The following SLC15A2 variants were observed in gnomAD, a reference collection of about 807,000 sequenced individuals.
SLC15A2 encodes kidney H(+)/peptide cotransporter.
Under a neutral mutation model 95.5 loss-of-function variants are expected in SLC15A2, and 77 were observed. That is an observed-to-expected ratio of 0.81 (90% CI 0.67 to 0.97). The LOEUF is 0.97. Ranked by LOEUF, SLC15A2 falls within the 50% of genes least tolerant of loss-of-function variation. The pLI is 0.00. For synonymous variants in SLC15A2, 306 were observed against 306.9 expected (o/e 1.00, Z 0.03); for missense variants, 893 against 874.4 (o/e 1.02, Z -0.27).
rs910764340 is a variant in SLC15A2, at chr3:121,941,741, G to A, written c.*734G>A. 2 of 152,240 alleles carry A rather than the reference G, an allele frequency of 1.3e-5. No homozygotes were observed. Among genetic ancestry groups the A allele is most frequent in the South Asian group, 2.1e-4 (1 of 4,836 alleles). The allele number at this position is 152,240 out of a possible 1,614,324, so 9.4% of individuals were successfully genotyped here. A position where few individuals can be genotyped will look rare whatever the true frequency, so the allele number is the denominator to read the frequency against. On this transcript the variant is annotated 3_prime_UTR_variant, in exon 22 of 22. Coordinates refer to ENST00000489711, the MANE Select transcript of SLC15A2 (RefSeq NM_021082.4). ...ATTGTTCTGGAGAACAGGAACAGGTGTAAGTTGTAGAAATCCTGAAGAGCC... is the reference window on the plus strand; with the variant it reads ...ATTGTTCTGGAGAACAGGAACAGGTATAAGTTGTAGAAATCCTGAAGAGCC...
intron 19 of SLC15A2, among the ~76,000 whole-genome samples, chr3:121,934,770 G>A (rs1168929435): frequency 5.3e-5 from 8 of 152,054 alleles, no homozygotes; most frequent in Admixed American, 3.9e-4. Context: ...TCTCCTGCCT[G>A]ATTGCCCTGG....
intron 7 of SLC15A2, among the ~76,000 whole-genome samples, chr3:121,917,926 A>G (rs1709927481): frequency 6.6e-6 from 1 of 152,198 alleles, no homozygotes; most frequent in African/African-American, 2.4e-5. Context: ...CATAAAAAAG[A>G]ATGATAAAGA....
chr3:121,924,509 C>T (rs1302715850), intron 12 of SLC15A2, 126 bp downstream of exon 12: 5 of 883,634 alleles, frequency 5.7e-6, no homozygotes, highest in African/African-American at 1.7e-5. Context: ...GGCCAAGCTT[C>T]GACATGAAAA....
chr3:121,926,340 G>C (rs1433630120), intron 13 of SLC15A2, among the ~76,000 whole-genome samples: 1 of 152,148 alleles, frequency 6.6e-6, no homozygotes. Flanking sequence ...CGTTGGTGCT[G>C]TCCTTATGAT....
chr3:121,894,408 G>C lies in SLC15A2; in HGVS notation c.-69G>C, dbSNP rs1432559843. ...CTCCCAGTCCTTCTTTTCAGAGTAGGCTGGCAGCTGTCCTAACTGCCTACT... is the reference window on the plus strand; with the variant it reads ...CTCCCAGTCCTTCTTTTCAGAGTAGCCTGGCAGCTGTCCTAACTGCCTACT... On this transcript the variant is annotated 5_prime_UTR_variant, in exon 1 of 22. Coordinates refer to ENST00000489711, the MANE Select transcript of SLC15A2 (RefSeq NM_021082.4). The C allele has an allele frequency of 8.2e-7, 1 of 1,217,848 alleles. No homozygotes were observed. Among genetic ancestry groups the C allele is most frequent in the African/African-American group, 1.5e-5 (1 of 65,898 alleles). 75.4% of individuals were successfully genotyped at this position (1,217,848 alleles called of 1,614,324 possible). A position where few individuals can be genotyped will look rare whatever the true frequency, so the allele number is the denominator to read the frequency against.
chr3:121,930,580 A>G (rs2107605018), intron 17 of SLC15A2, among the ~76,000 whole-genome samples: 1 of 152,344 alleles, frequency 6.6e-6, no homozygotes, highest in Middle Eastern at 3.4e-3. Flanking sequence ...GTGTCCGTCT[A>G]GCTAGAGGTC....
chr3:121,941,719 G>T lies in SLC15A2; in HGVS notation c.*712G>T, dbSNP rs1017076416. 1 of 152,204 alleles carries T rather than the reference G, an allele frequency of 6.6e-6. No individual in the cohort carries two copies. The highest frequency in any genetic ancestry group is 1.5e-5 in the Non-Finnish European group (1 of 68,028). The allele number at this position is 152,204 out of a possible 1,614,324, so 9.4% of individuals were successfully genotyped here. Reference sequence around the variant, plus strand: ...GAGATAGTAAGCATTAGTAAACATTGTTCTGGAGAACAGGAACAGGTGTAA... The same window carrying T: ...GAGATAGTAAGCATTAGTAAACATTTTTCTGGAGAACAGGAACAGGTGTAA... On this transcript the variant is annotated 3_prime_UTR_variant, in exon 22 of 22. Transcript: ENST00000489711.
At chr3:121,927,961 T>C in intron 14 of SLC15A2, 122 bp downstream of exon 14, 1 of 705,050 alleles carries the variant, frequency 1.4e-6, no homozygotes. Flanking sequence ...AAGAGGTGCA[T>C]CATAAGTATT....
intron 3 of SLC15A2, among the ~76,000 whole-genome samples, chr3:121,899,482 A>G (rs528174856): frequency 3.9e-5 from 6 of 152,286 alleles, no homozygotes; most frequent in Non-Finnish European, 7.4e-5. Context: ...CTTTAAATGA[A>G]CAAAACTCAT....
rs774427755 is a variant in SLC15A2, at chr3:121,929,184, T to A, written c.1506+38T>A. ...ATTGCCTGTGTTTTCAGTTGTCATC[T>A]CAAAGTAATATGACTGTCTCATCAA... is the stretch of plus-strand genomic sequence containing the variant. On this transcript the variant is annotated intron_variant, in intron 16 of 21. Coordinates refer to ENST00000489711, the MANE Select transcript of SLC15A2 (RefSeq NM_021082.4). 5.6e-6 allele frequency: 9 copies of A among 1,605,668 alleles called. No homozygotes were observed. In the Admixed American group the frequency reaches 1.5e-4, roughly 27 times the overall value.
At chr3:121,936,541 A>G (rs1196102115) in intron 19 of SLC15A2, among the ~76,000 whole-genome samples, 2 of 150,490 alleles carry the variant, frequency 1.3e-5, no homozygotes, top group Non-Finnish European at 3.0e-5. Flanking sequence ...GTCTCTTTTG[A>G]TCTTTGTTGG....
intron 7 of SLC15A2, among the ~76,000 whole-genome samples, chr3:121,915,933 G>T (rs1160877983): frequency 6.6e-6 from 1 of 152,146 alleles, no homozygotes; most frequent in African/African-American, 2.4e-5. Context: ...GCCTTAAAAA[G>T]TCCAAACTCT....
At chr3:121,940,317 C>A in intron 20 of SLC15A2, 67 bp from the exon 21 acceptor site, 1 of 1,206,680 alleles carries the variant, frequency 8.3e-7, no homozygotes, top group Non-Finnish European at 1.2e-6. Context: ...GGAGAAGTTT[C>A]CTGGATGCAT....
At chr3:121,915,091 A>G in intron 5 of SLC15A2, 136 bp from the exon 6 acceptor site, 1 of 1,115,286 alleles carries the variant, frequency 9.0e-7, no homozygotes, top group Non-Finnish European at 1.2e-6. Context: ...ATCTATTAAT[A>G]ATATGAAATT....
chr3:121,910,192 C>CTTTTTT (rs35492489), intron 3 of SLC15A2, among the ~76,000 whole-genome samples: 3 of 126,968 alleles, frequency 2.4e-5, no homozygotes, highest in Admixed American at 8.8e-5. Flanking sequence ...AGTCACCTAA[C>CTTTTTT]TTTTTTTTTT....
In SLC15A2 at chr3:121,930,965, C is replaced by T. The variant is rs777836218; in HGVS notation, c.1664+15C>T. ...CAAAGAGGAGAGTAAGTGCATTGCC[C>T]CTGTGGACATTTTACTTTTGTCAAT... On this transcript the variant is annotated intron_variant, in intron 18 of 21. Transcript: ENST00000489711. 3 of 1,491,054 alleles carry T rather than the reference C, an allele frequency of 2.0e-6. No homozygotes were observed. The South Asian group carries it at 3.4e-5, about 17-fold the overall frequency. 92.4% of individuals were successfully genotyped at this position (1,491,054 alleles called of 1,614,324 possible).
chr3:121,902,075 C>G (rs1367110303), intron 3 of SLC15A2, among the ~76,000 whole-genome samples: 1 of 152,124 alleles, frequency 6.6e-6, no homozygotes, highest in Non-Finnish European at 1.5e-5. Flanking sequence ...AAGGAACTCC[C>G]TATGCCAGGA....
intron 20 of SLC15A2, 138 bp from the exon 21 acceptor site, chr3:121,940,246 C>T (rs1306295125): frequency 1.6e-6 from 1 of 612,054 alleles, no homozygotes; most frequent in Non-Finnish European, 3.0e-6. Flanking sequence ...TTATTAACAC[C>T]CTCTGAATCA....
intron 10 of SLC15A2, 34 bp downstream of exon 10, chr3:121,923,163 T>C: frequency 6.2e-7 from 1 of 1,613,386 alleles, no homozygotes; most frequent in Non-Finnish European, 8.5e-7. Context: ...TACCGCTCCT[T>C]ACAGCCACTT....
Sources: gnomAD v4.1 joint callset for allele counts (sites outside exome capture counted in the v4.1 genomes callset) on GRCh38, gnomAD v4.1.1 for gene constraint, MANE v1.5 for transcripts, NCBI Gene and HGNC (gene_info 2026-07-23, HGNC 2026-07-21) for gene names.